MED7: variants seen among roughly 807,000 people sequenced by gnomAD.
MED7 encodes the protein mediator of RNA polymerase II transcription subunit 7.
In MED7, 7 loss-of-function variants were observed where a neutral mutation model predicts 16.6. That is an observed-to-expected ratio of 0.42 (90% CI 0.24 to 0.79). The LOEUF is 0.79. Among genes scored for constraint, MED7 ranks in the 30% least tolerant of loss-of-function variants. The pLI, the probability that MED7 is intolerant of heterozygous loss-of-function variation, is 0.27. For synonymous variants in MED7, 88 were observed against 90.5 expected (o/e 0.97, Z 0.16); for missense variants, 240 against 286.3 (o/e 0.84, Z 1.17).
rs1757660458 is a variant in MED7, at chr5:157,137,991, T to TGCCATCAAACCCCTTTCCCATTGTGGAC, written c.*711_*738dup. Reference sequence around the variant, plus strand: ...TCTTTGGTAGACACCTAGCAGTCTCTGCCATCAAACCCCTTTCCCATTGTG... The same window carrying TGCCATCAAACCCCTTTCCCATTGTGGAC: ...TCTTTGGTAGACACCTAGCAGTCTCTGCCATCAAACCCCTTTCCCATTGTGGACGCCATCAAACCCCTTTCCCATTGTG... On this transcript the variant is annotated 3_prime_UTR_variant, in exon 2 of 2. Coordinates refer to ENST00000286317, the MANE Select transcript of MED7 (RefSeq NM_004270.5). 1 of 152,236 alleles carries TGCCATCAAACCCCTTTCCCATTGTGGAC rather than the reference T, an allele frequency of 6.6e-6. No homozygotes were observed. The highest frequency in any genetic ancestry group is 2.4e-5 in the African/African-American group (1 of 41,468). The allele number at this position is 152,236 out of a possible 1,614,324, so 9.4% of individuals were successfully genotyped here.
At position 157,137,783 on chromosome 5, in the gene MED7, C is replaced by A. The variant is rs891619524; in HGVS notation, c.*947G>T. 1 of 152,246 alleles carries A rather than the reference C, an allele frequency of 6.6e-6. No homozygotes were observed. The highest frequency in any genetic ancestry group is 6.5e-5 in the Admixed American group (1 of 15,280). The allele number at this position is 152,246 out of a possible 1,614,324, so 9.4% of individuals were successfully genotyped here. ...ACTTATCCTGGATACGACCGTCCAA[C>A]CAGCAGCTGGGAGAAGAGAATGGAG... On this transcript the variant is annotated 3_prime_UTR_variant, in exon 2 of 2. Transcript: ENST00000286317.
Position 157,139,355 on chromosome 5 carries a change from A to G in MED7, c.77T>C (p.Ile26Thr). Reference protein sequence around the residue: ...QYIKEYTDENIQEGLAPKPPP... With the variant: ...QYIKEYTDENTQEGLAPKPPP... Reference sequence around the variant, plus strand: ...AGGCTTGGGAGCTAAGCCTTCTTGAATATTTTCATCCGTATATTCCTTGAT... The same window carrying G: ...AGGCTTGGGAGCTAAGCCTTCTTGAGTATTTTCATCCGTATATTCCTTGAT... Residue 26 changes from isoleucine (I) to threonine (T), a missense_variant, in exon 2 of 2, where the codon ATT becomes ACT. By Grantham distance (89) the Ile-to-Thr change is moderately conservative. Transcript: ENST00000286317. 4 of 1,612,744 alleles carry G rather than the reference A, an allele frequency of 2.5e-6. No homozygotes were observed. The highest frequency in any genetic ancestry group is 2.5e-6 in the Non-Finnish European group (3 of 1,179,522).
rs940040322 is a variant in MED7 at position 157,140,071 on chromosome 5, CAATCTCAGATCTCAGCTCACTGCA to C, written c.-17-647_-17-624del. Among the ~76,000 whole-genome samples, 28 of 152,264 alleles carry C rather than the reference CAATCTCAGATCTCAGCTCACTGCA, an allele frequency of 1.8e-4. No homozygotes were observed. In the East Asian group the frequency reaches 5.2e-3, roughly 28 times the overall value. ...ATGTCCAGGCTAGAGTGCAGTGGTG[CAATCTCAGATCTCAGCTCACTGCA>C]ACCTCCGCCTCCTGGGCTCAAGCAA... On this transcript the variant is annotated intron_variant, in intron 1 of 1. Transcript: ENST00000286317.
Position 157,138,547 on chromosome 5 carries a change from C to T in MED7, c.*183G>A. ...AGTGATTCTTCTTAGTGCAGGGACA[C>T]TCATTTGTCTATGCTTGTTATACAG... On this transcript the variant is annotated 3_prime_UTR_variant, in exon 2 of 2. Transcript: ENST00000286317. 1 of 547,760 alleles carries T rather than the reference C, an allele frequency of 1.8e-6. No individual in the cohort carries two copies. The highest frequency in any genetic ancestry group is 2.8e-5 in the South Asian group (1 of 36,164). The allele number at this position is 547,760 out of a possible 1,614,324, so 33.9% of individuals were successfully genotyped here.
intron 1 of MED7, among the ~76,000 whole-genome samples, chr5:157,142,004 T>A (rs1276904332): frequency 6.6e-6 from 1 of 152,222 alleles, no homozygotes; most frequent in African/African-American, 2.4e-5. Context: ...GGAATTCTTA[T>A]CCCAGGTCCC....
rs1416694261 is a variant in MED7, at chr5:157,139,009, G to A, written c.423C>T (p.Val141=). The A allele has an allele frequency of 1.9e-6, 3 of 1,613,948 alleles. No homozygotes were observed. Among genetic ancestry groups the A allele is most frequent in the South Asian group, 2.2e-5 (2 of 91,072 alleles). Residue 141 remains valine, a synonymous_variant, in exon 2 of 2, where the codon GTC becomes GTT. Coordinates refer to ENST00000286317, the MANE Select transcript of MED7 (RefSeq NM_004270.5). ...CTGTTTCAAGCCGTTGACGTTTCTG[G>A]ACCTCCATCATGACTCTCAAGGTCT... The part of the protein sequence containing the change: ...ARETLRVMME[V]QKRQRLETAE...
chr5:157,141,262 A>T (rs1757719630), intron 1 of MED7, among the ~76,000 whole-genome samples: 1 of 151,994 alleles, frequency 6.6e-6, no homozygotes, highest in Non-Finnish European at 1.5e-5. Flanking sequence ...TTCTATTTTC[A>T]GTAGAGACGA....
Position 157,139,288 on chromosome 5 carries a change from C to G in MED7, c.144G>C (p.Gln48His), listed in dbSNP as rs1279826270. 14 of 1,614,164 alleles carry G rather than the reference C, an allele frequency of 8.7e-6. No homozygotes were observed. The South Asian group carries it at 1.5e-4, about 18-fold the overall frequency. ...IKDSYMMFGNQFQCDDLIIRP... is the reference protein window; with the variant it reads ...IKDSYMMFGNHFQCDDLIIRP... The stretch of plus-strand genomic sequence containing the variant: ...GGATGATAAGATCATCACATTGGAA[C>G]TGATTGCCAAACATCATGTAACTGT... Residue 48 changes from glutamine to histidine, a missense_variant, in exon 2 of 2, where the codon CAG becomes CAC. By Grantham distance (24) the Gln-to-His change is conservative. Coordinates refer to ENST00000286317, the MANE Select transcript of MED7 (RefSeq NM_004270.5).
At position 157,138,559 on chromosome 5, in the gene MED7, T is replaced by C. The variant is rs747432582; in HGVS notation, c.*171A>G. ...TAGTGCAGGGACACTCATTTGTCTA[T>C]GCTTGTTATACAGCGAAATTACTGC... On this transcript the variant is annotated 3_prime_UTR_variant, in exon 2 of 2. Transcript: ENST00000286317. 10 of 583,280 alleles carry C rather than the reference T, an allele frequency of 1.7e-5. No homozygotes were observed. The highest frequency in any genetic ancestry group is 2.7e-5 in the Non-Finnish European group (9 of 337,944). The allele number at this position is 583,280 out of a possible 1,614,324, so 36.1% of individuals were successfully genotyped here. A position where few individuals can be genotyped will look rare whatever the true frequency, so the allele number is the denominator to read the frequency against.
rs1451554605 is a variant in MED7, at chr5:157,137,477, TCCC to T, written c.*1250_*1252del. On this transcript the variant is annotated 3_prime_UTR_variant, in exon 2 of 2. Coordinates refer to ENST00000286317, the MANE Select transcript of MED7 (RefSeq NM_004270.5). ...TACTAAAACTTTTATTTCTAGTAAG[TCCC>T]CAAGTGATACCAATGCTGCTGGTCC... 2.0e-5 allele frequency: 3 copies of T among 152,190 alleles called. No individual in the cohort carries two copies. Among genetic ancestry groups the T allele is most frequent in the African/African-American group, 7.2e-5 (3 of 41,438 alleles). The allele number at this position is 152,190 out of a possible 1,614,324, so 9.4% of individuals were successfully genotyped here.
At position 157,138,971 on chromosome 5, in the gene MED7, T is replaced by C. The variant is rs190897808; in HGVS notation, c.461A>G (p.Gln154Arg). The change falls in exon 2 of 2, where the codon CAA (glutamine) becomes CGA (arginine). Residue 154 changes from glutamine to arginine, a missense_variant. Coordinates refer to ENST00000286317, the MANE Select transcript of MED7 (RefSeq NM_004270.5). ...TTCAATTACTCGTTCCAGGTGCTTTTGAAATCTCTCAGCTGTTTCAAGCCG... is the reference window on the plus strand; with the variant it reads ...TTCAATTACTCGTTCCAGGTGCTTTCGAAATCTCTCAGCTGTTTCAAGCCG... ...RQRLETAERF[Q>R]KHLERVIEMI... The C allele has an allele frequency of 7.4e-6, 12 of 1,614,194 alleles. No homozygotes were observed. In the South Asian group the frequency reaches 8.8e-5, roughly 12 times the overall value.
chr5:157,139,485 G>A, intron 1 of MED7, 37 bp from the exon 2 acceptor site: 1 of 1,222,458 alleles, frequency 8.2e-7, no homozygotes, highest in Non-Finnish European at 1.1e-6. Flanking sequence ...AGAGCCACAA[G>A]ACAAACCTGT....
At chr5:157,140,827 C>T (rs246859) in intron 1 of MED7, among the ~76,000 whole-genome samples, 53,418 of 151,998 alleles carry the variant, frequency 0.35, 10,481 homozygotes, top group African/African-American at 0.54. Flanking sequence ...CAGGCGTGAG[C>T]CACCACACCC....
intron 1 of MED7, 162 bp downstream of exon 1, chr5:157,142,658 C>G (rs73815938): frequency 6.6e-6 from 1 of 152,270 alleles, no homozygotes; most frequent in African/African-American, 2.4e-5. Context: ...TCGGAGAGAC[C>G]GCACTCTCGG....
chr5:157,141,181 C>T (rs2113712708), intron 1 of MED7, among the ~76,000 whole-genome samples: 1 of 151,700 alleles, frequency 6.6e-6, no homozygotes, highest in East Asian at 2.0e-4. Context: ...CCCGGGTTCA[C>T]GCCATTCTCC....
At position 157,138,808 on chromosome 5, in the gene MED7, T is replaced by C. The variant is rs778309047; in HGVS notation, c.624A>G (p.Ser208=). The change falls in exon 2 of 2, where the codon TCA becomes TCG. Residue 208 remains serine (S), a synonymous_variant. Transcript: ENST00000286317. ...CTATAATCTGATCTCTCCTATGACC[T>C]GAATTTTCTCTTTGATGTTCATTCT... ...TGQNEHQREN[S]GHRRDQIIEK... 13 of 1,614,048 alleles carry C rather than the reference T, an allele frequency of 8.1e-6. No individual in the cohort carries two copies. The East Asian group carries it at 2.0e-4, about 25-fold the overall frequency.
chr5:157,141,857 C>T (rs909262046), intron 1 of MED7, among the ~76,000 whole-genome samples: 3 of 152,212 alleles, frequency 2.0e-5, no homozygotes, highest in Non-Finnish European at 4.4e-5. Flanking sequence ...TCCCAAAGTG[C>T]TGGGATTACA....
rs2113710353 is a variant in MED7, at chr5:157,137,940, G to A, written c.*790C>T. The A allele has an allele frequency of 6.6e-6, 1 of 152,336 alleles. No homozygotes were observed. The highest frequency in any genetic ancestry group is 2.1e-4 in the South Asian group (1 of 4,830). The allele number at this position is 152,336 out of a possible 1,614,324, so 9.4% of individuals were successfully genotyped here. On this transcript the variant is annotated 3_prime_UTR_variant, in exon 2 of 2. Coordinates refer to ENST00000286317, the MANE Select transcript of MED7 (RefSeq NM_004270.5). Reference sequence around the variant, plus strand: ...GTCCCTGGCTGGATTGCCACATCTTGACAACATATCTTCAAAGAGCAAGAA... The same window carrying A: ...GTCCCTGGCTGGATTGCCACATCTTAACAACATATCTTCAAAGAGCAAGAA...
Position 157,139,302 on chromosome 5 carries a change from T to C in MED7, c.130A>G (p.Met44Val). ...TCACATTGGAACTGATTGCCAAACA[T>C]CATGTAACTGTCTTTTATTGGAGGG... Reference protein sequence around the residue: ...PPPPIKDSYMMFGNQFQCDDL... With the variant: ...PPPPIKDSYMVFGNQFQCDDL... Residue 44 changes from methionine (M) to valine (V), a missense_variant, in exon 2 of 2, where the codon ATG becomes GTG. Physicochemically the swap from Met to Val is conservative, Grantham distance 21 (BLOSUM62 1). Coordinates refer to ENST00000286317, the MANE Select transcript of MED7 (RefSeq NM_004270.5). 1 of 1,614,136 alleles carries C rather than the reference T, an allele frequency of 6.2e-7. No homozygotes were observed. The highest frequency in any genetic ancestry group is 8.5e-7 in the Non-Finnish European group (1 of 1,180,028).
Sources: gnomAD v4.1 joint callset for allele counts (sites outside exome capture counted in the v4.1 genomes callset) on GRCh38, gnomAD v4.1.1 for gene constraint, MANE v1.5 for transcripts, NCBI Gene and HGNC (gene_info 2026-07-23, HGNC 2026-07-21) for gene names.